CEMIP2: variants seen among roughly 807,000 people sequenced by gnomAD.
CEMIP2 encodes cell migration inducing hyaluronidase 2, also known as cell surface hyaluronidase CEMIP2.
CEMIP2 carries 79 observed loss-of-function variants against 146.9 expected under a neutral mutation model. That is an observed-to-expected ratio of 0.54 (90% CI 0.45 to 0.65). CEMIP2 has a LOEUF of 0.65. Among genes scored for constraint, CEMIP2 ranks in the 30% least tolerant of loss-of-function variants. The probability of loss-of-function intolerance (pLI) is 0.00; values close to 1 mark genes in which losing one functional copy is unlikely to be tolerated. For missense variants in CEMIP2, 1,596 were observed against 1,696.2 expected (o/e 0.94, Z 1.04); for synonymous variants, 601 against 606.3 (o/e 0.99, Z 0.13).
In CEMIP2 at chr9:71,730,789, G is replaced by A. The variant is rs1179328321; in HGVS notation, c.1689C>T (p.Tyr563=). ...LCGDVDYKGG[Y]RHATFVDGLS... Reference sequence around the variant, plus strand: ...GGCCGTCCACAAATGTTGCATGTCTGTATCCTCCTTTATAATCCACGTCAC... The same window carrying A: ...GGCCGTCCACAAATGTTGCATGTCTATATCCTCCTTTATAATCCACGTCAC... The change falls in exon 8 of 24, where the codon TAC becomes TAT. Residue 563 remains tyrosine, a synonymous_variant. Transcript: ENST00000377044. The A allele has an allele frequency of 1.9e-6, 3 of 1,614,218 alleles. No individual in the cohort carries two copies. The highest frequency in any genetic ancestry group is 8.5e-7 in the Non-Finnish European group (1 of 1,180,048).
At chr9:71,726,745 T>C (rs1477983294) in intron 10 of CEMIP2, among the ~76,000 whole-genome samples, 1 of 152,208 alleles carries the variant, frequency 6.6e-6, no homozygotes, top group East Asian at 1.9e-4. Flanking sequence ...AGTCTACAAA[T>C]GGGTCTTAAC....
intron 20 of CEMIP2, among the ~76,000 whole-genome samples, chr9:71,695,222 C>G (rs183458429): frequency 6.6e-6 from 1 of 152,262 alleles, no homozygotes; most frequent in East Asian, 1.9e-4. Flanking sequence ...CCAGGAATGC[C>G]CTTCCCTTTT....
At chr9:71,697,841 T>G in intron 20 of CEMIP2, 144 bp downstream of exon 20, 7 of 798,646 alleles carry the variant, frequency 8.8e-6, no homozygotes, top group Non-Finnish European at 1.4e-5. Flanking sequence ...GCGCTTCACA[T>G]TTTAGCATGG....
chr9:71,745,576 A>T lies in CEMIP2; in HGVS notation c.476T>A (p.Leu159Gln). ...VHSIVIQDGG[L>Q]LVFGDNKDGS... is the part of the protein sequence containing the mutation. ...ATCTTTATTGTCCCCAAATACAAGC[A>T]GTCCTGCAGGGAACACCACCCTGTA... Residue 159 changes from leucine (L) to glutamine (Q), a missense_variant, in exon 4 of 24, where the codon CTG (leucine) becomes CAG (glutamine). Coordinates refer to ENST00000377044, the MANE Select transcript of CEMIP2 (RefSeq NM_013390.3). 6.3e-7 allele frequency: 1 copy of T among 1,595,836 alleles called. No individual in the cohort carries two copies.
intron 5 of CEMIP2, among the ~76,000 whole-genome samples, chr9:71,737,290 T>G (rs1302969061): frequency 2.0e-5 from 3 of 149,156 alleles, no homozygotes; most frequent in African/African-American, 7.4e-5. Context: ...CCGTCTCTAC[T>G]AAAAATACAA....
intron 12 of CEMIP2, 108 bp from the exon 13 acceptor site, chr9:71,718,187 A>G (rs1823124947): frequency 2.8e-6 from 3 of 1,088,718 alleles, no homozygotes; most frequent in Admixed American, 5.6e-5. Context: ...ACCAAAACAA[A>G]TGAAAAATTC....
Position 71,725,712 on chromosome 9 carries a change from A to G in CEMIP2, c.2050-3T>C. 4 of 1,611,844 alleles carry G rather than the reference A, an allele frequency of 2.5e-6. No individual in the cohort carries two copies. The highest frequency in any genetic ancestry group is 3.4e-6 in the Non-Finnish European group (4 of 1,179,030). On this transcript the variant is annotated splice_polypyrimidine_tract_variant and splice_region_variant and intron_variant, in intron 10 of 23. Coordinates refer to ENST00000377044, the MANE Select transcript of CEMIP2 (RefSeq NM_013390.3). The stretch of plus-strand genomic sequence containing the variant: ...AATAAATACCATATTCCAGCATCCT[A>G]CAAATGAAAGGACAAGCCCATTAAA...
intron 17 of CEMIP2, among the ~76,000 whole-genome samples, chr9:71,707,214 A>C (rs1206783152): frequency 6.6e-6 from 1 of 152,208 alleles, no homozygotes; most frequent in East Asian, 1.9e-4. Context: ...GGGGAAGGCA[A>C]TTCTGATTAA....
At chr9:71,728,278 T>C (rs1297735065) in intron 10 of CEMIP2, among the ~76,000 whole-genome samples, 204 of 10,286 alleles carry the variant, frequency 0.02, 24 homozygotes, top group Admixed American at 0.028. Flanking sequence ...TATATATATA[T>C]ATGTATATAT....
chr9:71,722,553 TC>T, intron 11 of CEMIP2, 38 bp from the exon 12 acceptor site: 1 of 1,475,798 alleles, frequency 6.8e-7, no homozygotes, highest in Non-Finnish European at 9.4e-7. Context: ...TGAATATGAA[TC>T]CCAACTTACA....
chr9:71,707,727 G>C (rs1264453418), intron 17 of CEMIP2, among the ~76,000 whole-genome samples: 1 of 152,202 alleles, frequency 6.6e-6, no homozygotes, highest in Admixed American at 6.5e-5. Flanking sequence ...CCCAGGAAGA[G>C]CCCATGCTAC....
chr9:71,716,816 A>T (rs1212912561), intron 13 of CEMIP2, among the ~76,000 whole-genome samples: 1 of 152,166 alleles, frequency 6.6e-6, no homozygotes, highest in African/African-American at 2.4e-5. Context: ...TCCCATCTGT[A>T]AGTTGAAATG....
At chr9:71,696,573 C>G (rs1459402873) in intron 20 of CEMIP2, among the ~76,000 whole-genome samples, 5 of 151,920 alleles carry the variant, frequency 3.3e-5, no homozygotes, top group African/African-American at 1.2e-4. Flanking sequence ...GAGTTAGAGA[C>G]TGGCCTGGGC....
intron 8 of CEMIP2, 133 bp downstream of exon 8, chr9:71,730,572 A>G (rs1564014281): frequency 3.3e-6 from 3 of 913,266 alleles, no homozygotes; most frequent in Non-Finnish European, 3.2e-6. Context: ...AAAATCGTGG[A>G]ATGCTCAGAA....
chr9:71,686,872 G>C (rs1306563040), intron 22 of CEMIP2: 1 of 151,980 alleles, frequency 6.6e-6, no homozygotes, highest in Non-Finnish European at 1.5e-5. Flanking sequence ...GAATGGTTTT[G>C]TTTTGTTTCA....
Position 71,745,233 on chromosome 9 carries a change from G to A in CEMIP2, c.819C>T (p.Asp273=). The change falls in exon 4 of 24, where the codon GAC becomes GAT. Residue 273 remains aspartate (D), a synonymous_variant. Coordinates refer to ENST00000377044, the MANE Select transcript of CEMIP2 (RefSeq NM_013390.3). ...FSRGLNVRVI[D]QDTAKILESE... is the part of the protein sequence containing the mutation. Reference sequence around the variant, plus strand: ...TTTCCAAAATTTTGGCCGTGTCTTGGTCAATGACCCTCACATTGAGGCCCC... The same window carrying A: ...TTTCCAAAATTTTGGCCGTGTCTTGATCAATGACCCTCACATTGAGGCCCC... 1 of 1,614,002 alleles carries A rather than the reference G, an allele frequency of 6.2e-7. No homozygotes were observed. Among genetic ancestry groups the A allele is most frequent in the Non-Finnish European group, 8.5e-7 (1 of 1,179,986 alleles).
At chr9:71,757,461 GA>G (rs1413054254) in intron 1 of CEMIP2, among the ~76,000 whole-genome samples, 3 of 152,164 alleles carry the variant, frequency 2.0e-5, no homozygotes, top group Non-Finnish European at 4.4e-5. Context: ...ATTTGGCTAA[GA>G]ACATTTTTTC....
chr9:71,728,363 T>C, intron 10 of CEMIP2, among the ~76,000 whole-genome samples: 1 of 135,872 alleles, frequency 7.4e-6, no homozygotes, highest in Non-Finnish European at 1.6e-5. Context: ...GTGCCTGTAG[T>C]ATCAGCTACT....
At position 71,750,085 on chromosome 9, in the gene CEMIP2, G is replaced by A; in HGVS notation, c.289C>T (p.Leu97Phe). Residue 97 changes from leucine (L) to phenylalanine (F), a missense_variant, in exon 2 of 24, where the codon CTT becomes TTT. Leu to Phe is a conservative substitution (Grantham distance 22, BLOSUM62 0). Transcript: ENST00000377044. ...GAGGATATTCCTAAAATGATTGCAAGTGCAATAAAAAATGAGAAACTAGTA... is the reference window on the plus strand; with the variant it reads ...GAGGATATTCCTAAAATGATTGCAAATGCAATAAAAAATGAGAAACTAGTA... ...AITSFSFFIA[L>F]AIILGISSKY... is the part of the protein sequence containing the mutation. 2 of 1,612,904 alleles carry A rather than the reference G, an allele frequency of 1.2e-6. No individual in the cohort carries two copies. Among genetic ancestry groups the A allele is most frequent in the Non-Finnish European group, 1.7e-6 (2 of 1,179,392 alleles).
Sources: gnomAD v4.1 joint callset for allele counts (sites outside exome capture counted in the v4.1 genomes callset) on GRCh38, gnomAD v4.1.1 for gene constraint, MANE v1.5 for transcripts, NCBI Gene and HGNC (gene_info 2026-07-23, HGNC 2026-07-21) for gene names.